The following DTNA variants were observed in gnomAD, a reference collection of about 807,000 sequenced individuals.
The protein encoded by DTNA is dystrophin-related protein 3.
In DTNA, 43 loss-of-function variants were observed where a neutral mutation model predicts 100.7. The observed-to-expected ratio is 0.43, with a 90% confidence interval of 0.33 to 0.55. DTNA has a LOEUF of 0.55. DTNA is among the 20% of genes least tolerant of loss of function. The pLI is 0.04. For missense variants in DTNA, 798 were observed against 953.9 expected, an observed-to-expected ratio of 0.84 and a Z score of 2.15; for synonymous variants, 349 against 347.9, an observed-to-expected ratio of 1.00 and a Z score of -0.04.
intron 5 of DTNA, among the ~76,000 whole-genome samples, chr18:34,806,640 T>C (rs2039798449): frequency 6.6e-6 from 1 of 152,214 alleles, no homozygotes; most frequent in Non-Finnish European, 1.5e-5. Flanking sequence ...GAAGGCTTAG[T>C]GGGAAACCTT....
chr18:34,815,669 G>T, intron 6 of DTNA: 1 of 469,094 alleles, frequency 2.1e-6, no homozygotes, highest in South Asian at 2.2e-5. Context: ...TTCTCCTGGT[G>T]ATACTATTGA....
intron 1 of DTNA, among the ~76,000 whole-genome samples, chr18:34,600,866 A>G (rs1013791936): frequency 3.3e-5 from 5 of 152,220 alleles, no homozygotes; most frequent in Admixed American, 6.5e-5. Context: ...TTTAGCCACC[A>G]CAGATTAGCT....
Position 34,862,140 on chromosome 18 carries a change from A to AAAAAG in DTNA, c.1647-1823_1647-1822insAGAAA, listed in dbSNP as rs1555881848. ...AGACAAGGTCAAAAAAAAAAAAAAA[A>AAAAAG]AAAGAGAAAGAGAAAGAACACCTCC... On this transcript the variant is annotated intron_variant, in intron 16 of 22. Transcript: ENST00000444659. Among the ~76,000 whole-genome samples, 166 of 146,974 alleles carry AAAAAG rather than the reference A, an allele frequency of 1.1e-3. 6 individuals are homozygous for AAAAAG. Among genetic ancestry groups the AAAAAG allele is most frequent in the African/African-American group, 2.8e-3 (110 of 39,138 alleles).
intron 2 of DTNA, among the ~76,000 whole-genome samples, chr18:34,757,851 A>G (rs755275155): frequency 1.3e-5 from 2 of 152,232 alleles, no homozygotes; most frequent in Non-Finnish European, 2.9e-5. Flanking sequence ...ATTAACGGTC[A>G]GAATAGATAA....
At chr18:34,742,640 A>G (rs1017975941) in intron 1 of DTNA, among the ~76,000 whole-genome samples, 2 of 152,122 alleles carry the variant, frequency 1.3e-5, no homozygotes, top group Non-Finnish European at 2.9e-5. Flanking sequence ...TCTATTATCT[A>G]TCTAGATAGA....
At position 34,779,947 on chromosome 18, in the gene DTNA, G is replaced by A. The variant is rs189983480; in HGVS notation, c.148+13906G>A. 1.2e-3 allele frequency among the ~76,000 whole-genome samples: 185 copies of A among 152,234 alleles called. 1 individual carries two copies. The highest frequency in any genetic ancestry group is 4.3e-3 in the African/African-American group (180 of 41,550). ...ATGCTCCTGATTTTGTAGATTGGTA[G>A]TATCAGACAGTGGATAGTGGATCTA... On this transcript the variant is annotated intron_variant, in intron 3 of 22. Coordinates refer to ENST00000444659, the MANE Select transcript of DTNA (RefSeq NM_001386795.1).
At chr18:34,643,634 G>A (rs1394221744) in intron 1 of DTNA, among the ~76,000 whole-genome samples, 1 of 152,160 alleles carries the variant, frequency 6.6e-6, no homozygotes, top group East Asian at 1.9e-4. Context: ...CAGTTTCCTT[G>A]TCTAGGCTCT....
At chr18:34,711,742 A>G (rs2082942650) in intron 1 of DTNA, among the ~76,000 whole-genome samples, 1 of 152,152 alleles carries the variant, frequency 6.6e-6, no homozygotes, top group African/African-American at 2.4e-5. Flanking sequence ...TGATCTCTCT[A>G]GTTTCCATAT....
In DTNA at chr18:34,803,173, G is replaced by A. The variant is rs539956880; in HGVS notation, c.363-3046G>A. On this transcript the variant is annotated intron_variant, in intron 4 of 22. Transcript: ENST00000444659. ...CCCCAGAATCCTTCTTCATGACAGA[G>A]TCACATTTGCAATCTGGCACAGTAG... Among the ~76,000 whole-genome samples, 14 of 152,268 alleles carry A rather than the reference G, an allele frequency of 9.2e-5. No individual in the cohort carries two copies. The South Asian group carries it at 2.9e-3, about 32-fold the overall frequency.
intron 1 of DTNA, among the ~76,000 whole-genome samples, chr18:34,516,710 G>A (rs1199763805): frequency 1.3e-5 from 2 of 152,114 alleles, no homozygotes; most frequent in Non-Finnish European, 2.9e-5. Context: ...ACTCTGTTCT[G>A]TTCGGCCCCT....
intron 1 of DTNA, among the ~76,000 whole-genome samples, chr18:34,520,178 T>C (rs2042024009): frequency 6.6e-6 from 1 of 152,244 alleles, no homozygotes; most frequent in Admixed American, 6.5e-5. Flanking sequence ...CTTTCTGTCC[T>C]GCTCTCTTAA....
chr18:34,610,687 T>C (rs1032212585), intron 1 of DTNA, among the ~76,000 whole-genome samples: 1 of 152,224 alleles, frequency 6.6e-6, no homozygotes, highest in Non-Finnish European at 1.5e-5. Flanking sequence ...TGGCCTTTTA[T>C]GCATTTAGGC....
intron 1 of DTNA, among the ~76,000 whole-genome samples, chr18:34,667,151 A>T (rs1348008846): frequency 5.9e-5 from 9 of 152,044 alleles, no homozygotes; most frequent in Middle Eastern, 3.4e-3. Flanking sequence ...CCCTTGTAAG[A>T]TGGATTCCTA....
At chr18:34,581,692 C>T (rs1194613565) in intron 1 of DTNA, among the ~76,000 whole-genome samples, 4 of 147,794 alleles carry the variant, frequency 2.7e-5, no homozygotes, top group Non-Finnish European at 5.9e-5. Context: ...ATGATCTCGG[C>T]TCACTGCACC....
Position 34,570,325 on chromosome 18 carries a change from A to G in DTNA, c.-2+76811A>G, listed in dbSNP as rs562566441. Among the ~76,000 whole-genome samples the G allele has an allele frequency of 5.8e-4, 89 of 152,330 alleles. No homozygotes were observed. In the South Asian group the frequency reaches 0.018, roughly 31 times the overall value. On this transcript the variant is annotated intron_variant, in intron 1 of 19. Coordinates refer to the DTNA transcript ENST00000283365. ...AGGTAATAAGTTGCATTTATTTTCT[A>G]TCAGTTTTACTACTCTCTGAAAGCA...
At position 34,513,492 on chromosome 18, in the gene DTNA, G is replaced by A. The variant is rs367817144; in HGVS notation, c.-2+19978G>A. 3.2e-4 allele frequency: 49 copies of A among 152,248 alleles called. No homozygotes were observed. The South Asian group carries it at 9.9e-3, about 31-fold the overall frequency. The allele number at this position is 152,248 out of a possible 1,614,324, so 9.4% of individuals were successfully genotyped here. A position where few individuals can be genotyped will look rare whatever the true frequency, so the allele number is the denominator to read the frequency against. ...CCAGATACAAAGCTGATAATTGAAT[G>A]ATTTGCTCTAAATTCTCATTAGAGA... On this transcript the variant is annotated intron_variant, in intron 1 of 19. Coordinates refer to the DTNA transcript ENST00000283365.
intron 1 of DTNA, among the ~76,000 whole-genome samples, chr18:34,605,881 T>G (rs1016214885): frequency 6.6e-6 from 1 of 152,186 alleles, no homozygotes; most frequent in African/African-American, 2.4e-5. Flanking sequence ...TTCACATGGT[T>G]AAATTCCAAC....
At chr18:34,797,369 G>A (rs1180821960) in intron 4 of DTNA, among the ~76,000 whole-genome samples, 1 of 152,152 alleles carries the variant, frequency 6.6e-6, no homozygotes, top group Non-Finnish European at 1.5e-5. Flanking sequence ...CAGGGGCTGA[G>A]AGGGAAGAAG....
chr18:34,723,307 C>T (rs2085786905), intron 1 of DTNA, among the ~76,000 whole-genome samples: 1 of 152,144 alleles, frequency 6.6e-6, no homozygotes, highest in Non-Finnish European at 1.5e-5. Context: ...CACAACAGTC[C>T]TAAAAGGTTA....
Sources: gnomAD v4.1 joint callset for allele counts (sites outside exome capture counted in the v4.1 genomes callset) on GRCh38, gnomAD v4.1.1 for gene constraint, MANE v1.5 for transcripts, NCBI Gene and HGNC (gene_info 2026-07-23, HGNC 2026-07-21) for gene names.